The following CNOT2 variants were observed in gnomAD, a reference collection of about 807,000 sequenced individuals.
CNOT2 encodes CCR4-NOT transcription complex subunit 2, also known as CC chemokine receptor 4-negative regulator of transcription 2.
In CNOT2, 7 loss-of-function variants were observed where a neutral mutation model predicts 72.1. That is an observed-to-expected ratio of 0.10 (90% CI 0.06 to 0.18). The LOEUF is 0.18. Among genes scored for constraint, CNOT2 ranks in the 10% least tolerant of loss-of-function variants. CNOT2 has a pLI of 1.00. For synonymous variants in CNOT2, 196 were observed against 225.6 expected (o/e 0.87, Z 1.17); for missense variants, 345 against 660.3 (o/e 0.52, Z 5.23).
chr12:70,314,333 T>C (rs1876960730), intron 3 of CNOT2, among the ~76,000 whole-genome samples: 1 of 152,164 alleles, frequency 6.6e-6, no homozygotes, highest in Non-Finnish European at 1.5e-5. Context: ...CATCAGTCTC[T>C]GTGTGTCTCA....
At chr12:70,309,647 T>C (rs1167955284) in intron 2 of CNOT2, among the ~76,000 whole-genome samples, 2 of 152,068 alleles carry the variant, frequency 1.3e-5, no homozygotes, top group Admixed American at 1.3e-4. Context: ...AAGACAGATA[T>C]CAAATTTGAG....
intron 2 of CNOT2, among the ~76,000 whole-genome samples, chr12:70,293,023 A>G (rs1872182240): frequency 6.6e-6 from 1 of 152,160 alleles, no homozygotes; most frequent in South Asian, 2.1e-4. Context: ...TATTTATGCT[A>G]TTGAACAGAT....
intron 1 of CNOT2, among the ~76,000 whole-genome samples, chr12:70,266,187 A>G (rs774147737): frequency 1.1e-4 from 17 of 151,510 alleles, no homozygotes; most frequent in Non-Finnish European, 2.5e-4. Flanking sequence ...GCTCACCACA[A>G]CCTCCACCTC....
intron 2 of CNOT2, among the ~76,000 whole-genome samples, chr12:70,303,310 C>A (rs1037810412): frequency 3.3e-5 from 5 of 152,086 alleles, no homozygotes; most frequent in Non-Finnish European, 5.9e-5. Context: ...TCTTCCTAGC[C>A]TTGATGGTCT....
Position 70,338,805 on chromosome 12 carries a change from C to T in CNOT2, c.1161C>T (p.Leu387=). Residue 387 remains leucine, a synonymous_variant, in exon 11 of 16, where the codon CTC becomes CTT. Coordinates refer to ENST00000229195, the MANE Select transcript of CNOT2 (RefSeq NM_014515.7). ...GAAGTGACTTAACAACATTAGGCCT[C>T]AATCTGAACTCTCCTGAGTAAGTTT... ...ALGSDLTTLG[L]NLNSPENLYP... 1 of 1,613,184 alleles carries T rather than the reference C, an allele frequency of 6.2e-7. No individual in the cohort carries two copies.
chr12:70,286,733 A>T (rs939030653), intron 2 of CNOT2, among the ~76,000 whole-genome samples: 2 of 149,052 alleles, frequency 1.3e-5, no homozygotes, highest in African/African-American at 4.9e-5. Context: ...AATTTAGAAT[A>T]TTCATGAGAA....
Position 70,344,135 on chromosome 12 carries a change from CAAT to C in CNOT2, c.1301_1303del (p.Ile434del), listed in dbSNP as rs1881864721. On this transcript the variant is annotated inframe_deletion, in exon 14 of 16. Transcript: ENST00000229195. ...GTTATTTTTCTTTTTCAGCTGGCTG[CAAT>C]AAAACTTGGCCGATATGGTGAAGAC... 6.3e-7 allele frequency: 1 copy of C among 1,596,720 alleles called. No individual in the cohort carries two copies. Among genetic ancestry groups the C allele is most frequent in the South Asian group, 1.1e-5 (1 of 87,370 alleles).
At chr12:70,318,447 A>G (rs887098539) in intron 3 of CNOT2, among the ~76,000 whole-genome samples, 78 of 151,696 alleles carry the variant, frequency 5.1e-4, no homozygotes, top group Non-Finnish European at 1.6e-4. Context: ...GAATTTCAAT[A>G]GTTTTGGGGG....
chr12:70,327,358 A>G (rs1158399325), intron 4 of CNOT2: 1 of 151,934 alleles, frequency 6.6e-6, no homozygotes, highest in Non-Finnish European at 1.5e-5. Context: ...GCAGGGGGAA[A>G]ATACATTAGA....
At chr12:70,298,787 T>C (rs1267462790) in intron 2 of CNOT2, among the ~76,000 whole-genome samples, 6 of 152,180 alleles carry the variant, frequency 3.9e-5, no homozygotes, top group Non-Finnish European at 8.8e-5. Context: ...GGTTTGGTGG[T>C]GTCAGGGGAC....
chr12:70,338,571 T>C lies in CNOT2; in HGVS notation c.1021+8T>C. On this transcript the variant is annotated splice_region_variant and intron_variant, in intron 10 of 15. Coordinates refer to ENST00000229195, the MANE Select transcript of CNOT2 (RefSeq NM_014515.7). The stretch of plus-strand genomic sequence containing the variant: ...TCCAGGTGTTACCTGATGGTGGGAC[T>C]CTAGAAATCTATGTCAAAGATATTA... The C allele has an allele frequency of 6.2e-7, 1 of 1,603,836 alleles. No individual in the cohort carries two copies. Among genetic ancestry groups the C allele is most frequent in the Non-Finnish European group, 8.5e-7 (1 of 1,177,202 alleles).
intron 2 of CNOT2, among the ~76,000 whole-genome samples, chr12:70,290,276 C>T (rs2135862092): frequency 6.6e-6 from 1 of 151,276 alleles, no homozygotes; most frequent in African/African-American, 2.4e-5. Context: ...CATGCATGTG[C>T]TAATCAGTAC....
intron 1 of CNOT2, among the ~76,000 whole-genome samples, chr12:70,258,770 A>C (rs1454464648): frequency 6.6e-6 from 1 of 152,210 alleles, no homozygotes; most frequent in Non-Finnish European, 1.5e-5. Context: ...ATTTCCCCTC[A>C]AGGCGTGAGC....
rs1879750908 is a variant in CNOT2, at chr12:70,330,424, G to A, written c.524G>A (p.Cys175Tyr). ...AACAGAAGCTCGCCAAGCATAATAT[G>A]TATGCCAAAGCAGCAGCCTTCTCGA... ...SPNRSSPSIICMPKQQPSRQP... is the reference protein window; with the variant it reads ...SPNRSSPSIIYMPKQQPSRQP... The change falls in exon 6 of 16, where the codon TGT becomes TAT. Residue 175 changes from cysteine to tyrosine, a missense_variant. Cys to Tyr is a radical substitution (Grantham distance 194, BLOSUM62 -2). Transcript: ENST00000229195. 1 of 1,612,552 alleles carries A rather than the reference G, an allele frequency of 6.2e-7. No individual in the cohort carries two copies. Among genetic ancestry groups the A allele is most frequent in the Non-Finnish European group, 8.5e-7 (1 of 1,179,014 alleles).
At chr12:70,315,249 T>C (rs577761110) in intron 3 of CNOT2, among the ~76,000 whole-genome samples, 4 of 152,194 alleles carry the variant, frequency 2.6e-5, no homozygotes, top group Non-Finnish European at 4.4e-5. Flanking sequence ...TTTTAAGTTA[T>C]CCGTTTTCCA....
chr12:70,291,201 C>T (rs788377), intron 2 of CNOT2, among the ~76,000 whole-genome samples: 108,439 of 151,968 alleles, frequency 0.71, 39,117 homozygotes, highest in East Asian at 0.94. Context: ...AAAATTTTAC[C>T]AATAAGCATT....
At chr12:70,259,726 G>T (rs965587156) in intron 1 of CNOT2, among the ~76,000 whole-genome samples, 2 of 152,082 alleles carry the variant, frequency 1.3e-5, no homozygotes, top group African/African-American at 4.8e-5. Flanking sequence ...CTTCTAACTG[G>T]TGCCTGAAAC....
chr12:70,251,752 A>C (rs17107874), intron 1 of CNOT2, among the ~76,000 whole-genome samples: 1 of 152,146 alleles, frequency 6.6e-6, no homozygotes, highest in African/African-American at 2.4e-5. Flanking sequence ...ATGACTTTGA[A>C]ACTCTGTAGT....
intron 2 of CNOT2, among the ~76,000 whole-genome samples, chr12:70,289,965 T>C (rs12426856): frequency 0.052 from 7,842 of 152,214 alleles, 697 homozygotes; most frequent in East Asian, 0.44. Flanking sequence ...TAATATTCTT[T>C]AGATTTCTTG....
Sources: gnomAD v4.1 joint callset for allele counts (sites outside exome capture counted in the v4.1 genomes callset) on GRCh38, gnomAD v4.1.1 for gene constraint, MANE v1.5 for transcripts, NCBI Gene and HGNC (gene_info 2026-07-23, HGNC 2026-07-21) for gene names.